Variants in PTPRR observed in about 807,000 individuals in gnomAD.
The protein encoded by PTPRR is receptor-type tyrosine-protein phosphatase R.
Under a neutral mutation model 77.2 loss-of-function variants are expected in PTPRR, and 38 were observed. The observed-to-expected ratio is 0.49, with a 90% CI of 0.38 to 0.65. PTPRR has a LOEUF of 0.65. PTPRR is among the 30% of genes least tolerant of loss of function. The pLI is 0.00. For synonymous variants in PTPRR, 299 were observed against 283.1 expected, an observed-to-expected ratio of 1.06 and a Z score of -0.57; for missense variants, 744 against 799.2, an observed-to-expected ratio of 0.93 and a Z score of 0.83.
intron 1 of PTPRR, among the ~76,000 whole-genome samples, chr12:70,897,589 C>A (rs1478853272): frequency 6.6e-6 from 1 of 151,996 alleles, no homozygotes; most frequent in East Asian, 1.9e-4. Flanking sequence ...TTGTGGAAGT[C>A]AGTGTGGCGA....
intron 2 of PTPRR, among the ~76,000 whole-genome samples, chr12:70,811,272 A>C (rs1011318106): frequency 6.6e-6 from 1 of 152,202 alleles, no homozygotes; most frequent in African/African-American, 2.4e-5. Context: ...TGACATTCTC[A>C]TCTACATTTT....
intron 10 of PTPRR, among the ~76,000 whole-genome samples, chr12:70,680,691 T>G (rs1003205681): frequency 1.3e-5 from 2 of 152,104 alleles, no homozygotes; most frequent in Non-Finnish European, 2.9e-5. Context: ...GGGTTAGGGA[T>G]TCTCTGGGGG....
intron 6 of PTPRR, among the ~76,000 whole-genome samples, chr12:70,730,552 G>A (rs1175364233): frequency 2.0e-5 from 3 of 151,792 alleles, no homozygotes; most frequent in Non-Finnish European, 4.4e-5. Context: ...GAAATCAGAG[G>A]CCAGGCACAG....
chr12:70,762,429 A>G (rs1186360683), intron 3 of PTPRR, among the ~76,000 whole-genome samples: 1 of 152,186 alleles, frequency 6.6e-6, no homozygotes, highest in Non-Finnish European at 1.5e-5. Flanking sequence ...CTCTCATGCT[A>G]GAAAGTTTTC....
chr12:70,786,400 T>C (rs1441408441), intron 2 of PTPRR, among the ~76,000 whole-genome samples: 1 of 152,310 alleles, frequency 6.6e-6, no homozygotes, highest in Admixed American at 6.5e-5. Context: ...ATTGAATATA[T>C]AAATACTACT....
chr12:70,835,328 A>G (rs922531141), intron 2 of PTPRR, among the ~76,000 whole-genome samples: 1 of 152,124 alleles, frequency 6.6e-6, no homozygotes, highest in Non-Finnish European at 1.5e-5. Flanking sequence ...CTAAGGGATT[A>G]CTATAAATTC....
chr12:70,835,788 C>A (rs946378718), intron 2 of PTPRR, among the ~76,000 whole-genome samples: 1 of 152,152 alleles, frequency 6.6e-6, no homozygotes, highest in Non-Finnish European at 1.5e-5. Flanking sequence ...ATAAAATAAA[C>A]ATTTCATTAT....
intron 10 of PTPRR, among the ~76,000 whole-genome samples, chr12:70,680,151 C>G (rs1887602325): frequency 6.6e-6 from 1 of 152,126 alleles, no homozygotes; most frequent in Non-Finnish European, 1.5e-5. Flanking sequence ...TACAAATATT[C>G]TAGACTTTCC....
At chr12:70,769,274 C>G (rs913502286) in intron 2 of PTPRR, among the ~76,000 whole-genome samples, 2 of 150,550 alleles carry the variant, frequency 1.3e-5, no homozygotes, top group African/African-American at 4.9e-5. Context: ...TTGTCTCAGC[C>G]CAAAATCTCC....
At chr12:70,682,107 G>A (rs1267470662) in intron 10 of PTPRR, among the ~76,000 whole-genome samples, 1 of 128,126 alleles carries the variant, frequency 7.8e-6, no homozygotes, top group Non-Finnish European at 1.6e-5. Flanking sequence ...GCAGTGGCGC[G>A]ATCTCGGCTC....
At chr12:70,736,340 T>C (rs1889860413) in intron 6 of PTPRR, among the ~76,000 whole-genome samples, 1 of 152,222 alleles carries the variant, frequency 6.6e-6, no homozygotes, top group Admixed American at 6.5e-5. Context: ...AAAAACAGTG[T>C]GACGCTCCAT....
At chr12:70,828,876 A>G (rs1054777251) in intron 2 of PTPRR, among the ~76,000 whole-genome samples, 2 of 152,218 alleles carry the variant, frequency 1.3e-5, no homozygotes, top group Admixed American at 1.3e-4. Context: ...CATGAAAGCC[A>G]GGTCTTCTAA....
At chr12:70,813,627 T>C (rs1191817221) in intron 2 of PTPRR, among the ~76,000 whole-genome samples, 3 of 152,166 alleles carry the variant, frequency 2.0e-5, no homozygotes, top group Admixed American at 2.0e-4. Flanking sequence ...TTTTCAGATG[T>C]TGGACAACAG....
chr12:70,768,103 A>T (rs1890873245), intron 2 of PTPRR, among the ~76,000 whole-genome samples: 1 of 152,170 alleles, frequency 6.6e-6, no homozygotes, highest in Admixed American at 6.5e-5. Flanking sequence ...CAATTAAAAG[A>T]ACTAGAAAAG....
At chr12:70,786,987 G>A (rs1264655568) in intron 2 of PTPRR, among the ~76,000 whole-genome samples, 1 of 152,104 alleles carries the variant, frequency 6.6e-6, no homozygotes, top group Non-Finnish European at 1.5e-5. Flanking sequence ...ACTGAAGAAG[G>A]ATATGGAAAA....
intron 1 of PTPRR, among the ~76,000 whole-genome samples, chr12:70,914,322 G>GT (rs1893743189): frequency 6.6e-6 from 1 of 152,138 alleles, no homozygotes; most frequent in Non-Finnish European, 1.5e-5. Flanking sequence ...GGAGATAGCT[G>GT]TATTAAAGAA....
intron 13 of PTPRR, among the ~76,000 whole-genome samples, chr12:70,654,252 C>T (rs1886495958): frequency 1.3e-5 from 2 of 151,896 alleles, no homozygotes; most frequent in Admixed American, 6.6e-5. Flanking sequence ...ACATAGTGCT[C>T]AAAGCATATT....
intron 2 of PTPRR, among the ~76,000 whole-genome samples, chr12:70,877,627 T>C (rs1565727695): frequency 1.3e-5 from 2 of 152,164 alleles, no homozygotes. Context: ...GAACATTCCA[T>C]GCTCACGGGT....
intron 6 of PTPRR, among the ~76,000 whole-genome samples, chr12:70,715,578 A>AGGGGG (rs1264129667): frequency 1.3e-5 from 2 of 152,178 alleles, no homozygotes; most frequent in African/African-American, 4.8e-5. Context: ...GGCCACGCCC[A>AGGGGG]GGGGGGCCAG....
Sources: gnomAD v4.1 joint callset for allele counts (sites outside exome capture counted in the v4.1 genomes callset) on GRCh38, gnomAD v4.1.1 for gene constraint, MANE v1.5 for transcripts, NCBI Gene and HGNC (gene_info 2026-07-23, HGNC 2026-07-21) for gene names.